CTNNA2: variants seen among roughly 807,000 people sequenced by gnomAD.
CTNNA2 encodes the protein catenin alpha 2.
In CTNNA2, 42 loss-of-function variants were observed where a neutral mutation model predicts 101.0. The observed-to-expected ratio is 0.42, with a 90% CI of 0.32 to 0.54. The LOEUF (loss-of-function observed/expected upper bound fraction) is 0.54. CTNNA2 is among the 20% of genes least tolerant of loss of function. The pLI, the probability that CTNNA2 is intolerant of heterozygous loss-of-function variation, is 0.14. For synonymous variants in CTNNA2, 450 were observed against 456.4 expected, an observed-to-expected ratio of 0.99 and a Z score of 0.18; for missense variants, 871 against 1,223.1, an observed-to-expected ratio of 0.71 and a Z score of 4.29.
intron 7 of CTNNA2, among the ~76,000 whole-genome samples, chr2:80,141,733 G>A (rs762085906): frequency 2.0e-5 from 3 of 152,088 alleles, no homozygotes; most frequent in Non-Finnish European, 2.9e-5. Flanking sequence ...GAAATTTCAG[G>A]CATCTAGCTA....
intron 2 of CTNNA2, among the ~76,000 whole-genome samples, chr2:79,230,548 A>G (rs1486959069): frequency 6.6e-6 from 1 of 152,184 alleles, no homozygotes; most frequent in African/African-American, 2.4e-5. Context: ...CTCATGGAGA[A>G]CTTCTGCTAT....
At chr2:79,355,755 A>G (rs1677495460) in intron 3 of CTNNA2, among the ~76,000 whole-genome samples, 1 of 152,144 alleles carries the variant, frequency 6.6e-6, no homozygotes, top group African/African-American at 2.4e-5. Flanking sequence ...GGTTATCCAC[A>G]TTTTAACCTG....
intron 2 of CTNNA2, among the ~76,000 whole-genome samples, chr2:79,302,130 A>G (rs1251918544): frequency 6.6e-6 from 1 of 152,010 alleles, no homozygotes; most frequent in Non-Finnish European, 1.5e-5. Flanking sequence ...AAATAAATAA[A>G]TAAATAAAAG....
intron 15 of CTNNA2, among the ~76,000 whole-genome samples, chr2:80,591,455 C>CTTTT (rs1553401282): frequency 1.2e-4 from 7 of 57,580 alleles, no homozygotes; most frequent in African/African-American, 3.0e-4. Context: ...TCTGCACAGC[C>CTTTT]TGTTTTTTTT....
chr2:80,414,286 C>A (rs1350107328), intron 8 of CTNNA2, among the ~76,000 whole-genome samples: 1 of 152,190 alleles, frequency 6.6e-6, no homozygotes, highest in African/African-American at 2.4e-5. Flanking sequence ...AGAAAGGAAG[C>A]ATTGTAGCAT....
intron 9 of CTNNA2, among the ~76,000 whole-genome samples, chr2:80,540,179 C>T (rs773566108): frequency 6.6e-6 from 1 of 152,136 alleles, no homozygotes; most frequent in Non-Finnish European, 1.5e-5. Context: ...CCCTTATCAC[C>T]CTTTATCATG....
chr2:79,547,037 GTGTGTGTGTGTT>G (rs1673779106), intron 1 of CTNNA2: 1 of 151,896 alleles, frequency 6.6e-6, no homozygotes, highest in Admixed American at 6.6e-5. Context: ...GCATGCATGC[GTGTGTGTGTGTT>G]TGTGTGTGTG....
rs1036978377 is a variant in CTNNA2 at position 79,660,289 on chromosome 2, A to G, written c.102+8631A>G. On this transcript the variant is annotated intron_variant, in intron 2 of 18. Coordinates refer to ENST00000402739, the MANE Select transcript of CTNNA2 (RefSeq NM_001282597.3). ...TATATACACATATGTATGTGTATCC[A>G]TATGTATATACATATGTATGTGTAT... is the stretch of plus-strand genomic sequence containing the variant. Among the ~76,000 whole-genome samples the G allele has an allele frequency of 6.0e-5, 9 of 149,784 alleles. No individual in the cohort carries two copies. In the South Asian group the frequency reaches 1.7e-3, roughly 28 times the overall value.
chr2:80,242,589 G>A (rs1236510957), intron 7 of CTNNA2, among the ~76,000 whole-genome samples: 10 of 152,170 alleles, frequency 6.6e-5, no homozygotes, highest in African/African-American at 2.2e-4. Context: ...CAAATCAAAG[G>A]TGCCAGCCTC....
At chr2:79,385,290 C>T (rs900430257) in intron 4 of CTNNA2, among the ~76,000 whole-genome samples, 1 of 152,158 alleles carries the variant, frequency 6.6e-6, no homozygotes, top group Non-Finnish European at 1.5e-5. Flanking sequence ...CACTTTGCCA[C>T]TCATTAAGGT....
intron 1 of CTNNA2, among the ~76,000 whole-genome samples, chr2:79,561,851 G>T (rs1455836959): frequency 6.6e-6 from 1 of 151,554 alleles, no homozygotes; most frequent in Non-Finnish European, 1.5e-5. Context: ...ATATATTCTG[G>T]ATATTAGAGT....
chr2:80,608,372 G>T, intron 17 of CTNNA2, 54 bp downstream of exon 17: 1 of 1,569,726 alleles, frequency 6.4e-7, no homozygotes, highest in Non-Finnish European at 8.7e-7. Flanking sequence ...CACTTCCAAG[G>T]CAAACATTCT....
At chr2:79,657,952 CT>C (rs1253574565) in intron 2 of CTNNA2, among the ~76,000 whole-genome samples, 1 of 151,494 alleles carries the variant, frequency 6.6e-6, no homozygotes, top group Non-Finnish European at 1.5e-5. Flanking sequence ...TAATAAAGCC[CT>C]CTTTGGGATA....
chr2:79,654,149 T>G, intron 2 of CTNNA2, among the ~76,000 whole-genome samples: 1 of 152,214 alleles, frequency 6.6e-6, no homozygotes, highest in East Asian at 1.9e-4. Context: ...AGATCTATAA[T>G]TTTTGTATTA....
chr2:79,471,384 G>T (rs1215163561), intron 4 of CTNNA2, among the ~76,000 whole-genome samples: 1 of 152,108 alleles, frequency 6.6e-6, no homozygotes, highest in South Asian at 2.1e-4. Context: ...TTTGGATGAG[G>T]GTACTCTTCT....
intron 9 of CTNNA2, among the ~76,000 whole-genome samples, chr2:80,534,973 T>C (rs1690876664): frequency 6.6e-6 from 1 of 152,218 alleles, no homozygotes; most frequent in African/African-American, 2.4e-5. Flanking sequence ...GGGAATCTTA[T>C]TCAATAATTA....
chr2:80,232,845 G>A (rs967499808), intron 7 of CTNNA2, among the ~76,000 whole-genome samples: 3 of 152,102 alleles, frequency 2.0e-5, no homozygotes, highest in Non-Finnish European at 2.9e-5. Flanking sequence ...AAAAGGGGTC[G>A]TGTTCATCTC....
At chr2:80,176,170 T>C (rs1705383183) in intron 7 of CTNNA2, among the ~76,000 whole-genome samples, 1 of 152,222 alleles carries the variant, frequency 6.6e-6, no homozygotes, top group Non-Finnish European at 1.5e-5. Flanking sequence ...ATACACATCT[T>C]TTGAAATCAT....
intron 2 of CTNNA2, among the ~76,000 whole-genome samples, chr2:79,715,205 C>CAAAAAAAAAAAAAAA: frequency 1.5e-5 from 1 of 66,336 alleles, no homozygotes; most frequent in Non-Finnish European, 2.7e-5. Context: ...AAAATTCCGT[C>CAAAAAAAAAAAAAAA]AAAAAAAAAA....
Sources: allele counts gnomAD v4.1 joint callset (sites outside exome capture counted in the v4.1 genomes callset), GRCh38; gene constraint gnomAD v4.1.1; transcripts MANE v1.5; gene names NCBI Gene and HGNC (gene_info 2026-07-23, HGNC 2026-07-21).